Variants in RIMS2 observed in about 807,000 individuals in gnomAD.
The protein encoded by RIMS2 is regulating synaptic membrane exocytosis 2.
Under a neutral mutation model 174.4 loss-of-function variants are expected in RIMS2, and 59 were observed. That is an observed-to-expected ratio of 0.34 (90% CI 0.27 to 0.42). The LOEUF is 0.42. RIMS2 is among the 10% of genes least tolerant of loss of function. The pLI is 1.00. For synonymous variants in RIMS2, 606 were observed against 572.5 expected, an observed-to-expected ratio of 1.06 and a Z score of -0.84; for missense variants, 1,620 against 1,666.3, an observed-to-expected ratio of 0.97 and a Z score of 0.48.
At chr8:103,720,581 A>T (rs1042050102) in intron 2 of RIMS2, among the ~76,000 whole-genome samples, 1 of 152,220 alleles carries the variant, frequency 6.6e-6, no homozygotes, top group Non-Finnish European at 1.5e-5. Context: ...TCACAAGTTT[A>T]TATATTACTA....
At chr8:103,859,799 G>T (rs965201212) in intron 3 of RIMS2, among the ~76,000 whole-genome samples, 4 of 152,042 alleles carry the variant, frequency 2.6e-5, no homozygotes, top group African/African-American at 9.7e-5. Context: ...AGCAGTCCAG[G>T]GTCCAACATC....
chr8:103,887,017 G>C (rs997048128), intron 4 of RIMS2, among the ~76,000 whole-genome samples: 3 of 151,584 alleles, frequency 2.0e-5, no homozygotes, highest in African/African-American at 7.3e-5. Flanking sequence ...CTTTAATTCA[G>C]ATTACCAAAT....
rs535555828 is a variant in RIMS2, at chr8:104,170,446, A to G, written c.3335-74470A>G. 2.0e-5 allele frequency among the ~76,000 whole-genome samples: 3 copies of G among 151,720 alleles called. No individual in the cohort carries two copies. The East Asian group carries it at 5.8e-4, about 29-fold the overall frequency. Reference sequence around the variant, plus strand: ...ATGGTTCTTGTCTTTTTTTACTATAAGTATGATTTGTCTGATGTAAGAATA... The same window carrying G: ...ATGGTTCTTGTCTTTTTTTACTATAGGTATGATTTGTCTGATGTAAGAATA... On this transcript the variant is annotated intron_variant, in intron 19 of 23. Coordinates refer to ENST00000504942, the Ensembl canonical transcript of RIMS2.
chr8:104,119,189 CA>C lies in RIMS2; in HGVS notation c.3334+104588del, dbSNP rs781545557. On this transcript the variant is annotated intron_variant, in intron 19 of 23. Transcript: ENST00000504942. ...GGTAAACCCCGTCTCTACTTAAAAA[CA>C]AAAAAAAAAAAAATCAAAAATTAGC... 4.2e-3 allele frequency among the ~76,000 whole-genome samples: 585 copies of C among 140,054 alleles called. 1 individual carries two copies. Among genetic ancestry groups the C allele is most frequent in the Middle Eastern group, 0.011 (3 of 276 alleles). The allele number at this position is 140,054 out of a possible 152,430, so 91.9% of individuals were successfully genotyped here.
chr8:103,695,968 C>A (rs2097096326), intron 1 of RIMS2, among the ~76,000 whole-genome samples: 1 of 152,094 alleles, frequency 6.6e-6, no homozygotes, highest in South Asian at 2.1e-4. Context: ...TTTGTGCTTC[C>A]AGGGATTCTC....
At chr8:103,827,946 A>G (rs2098802200) in intron 3 of RIMS2, among the ~76,000 whole-genome samples, 1 of 152,106 alleles carries the variant, frequency 6.6e-6, no homozygotes, top group Non-Finnish European at 1.5e-5. Context: ...TTCTTCAGTA[A>G]TTGAAATTAT....
chr8:103,887,852 G>A (rs2099214429), intron 4 of RIMS2, among the ~76,000 whole-genome samples: 1 of 151,582 alleles, frequency 6.6e-6, no homozygotes, highest in Non-Finnish European at 1.5e-5. Context: ...ATTTTACTGA[G>A]TAACATAAGG....
At chr8:104,230,910 A>T (rs1055466332) in intron 19 of RIMS2, among the ~76,000 whole-genome samples, 16 of 152,210 alleles carry the variant, frequency 1.1e-4, no homozygotes, top group African/African-American at 3.1e-4. Flanking sequence ...CCTGAAGGAA[A>T]GCTATAAATC....
At chr8:104,058,940 G>T (rs2096925082) in intron 19 of RIMS2, among the ~76,000 whole-genome samples, 1 of 152,020 alleles carries the variant, frequency 6.6e-6, no homozygotes, top group Admixed American at 6.6e-5. Context: ...CTCTGTTTTG[G>T]TATCAGTACC....
intron 12 of RIMS2, 37 bp downstream of exon 14, chr8:103,931,430 AAATG>A: frequency 1.4e-6 from 2 of 1,433,026 alleles, no homozygotes; most frequent in Non-Finnish European, 1.9e-6. Flanking sequence ...TCTGGAAAAT[AAATG>A]AGAAAATGTT....
chr8:103,977,080 G>A (rs1252243709), intron 16 of RIMS2: 1 of 152,144 alleles, frequency 6.6e-6, no homozygotes, highest in Non-Finnish European at 1.5e-5. Context: ...TTAAATAAAT[G>A]ATTATTTGAC....
intron 19 of RIMS2, among the ~76,000 whole-genome samples, chr8:104,192,921 C>T (rs2099004925): frequency 6.6e-6 from 1 of 152,126 alleles, no homozygotes; most frequent in African/African-American, 2.4e-5. Flanking sequence ...TATCATTACG[C>T]TATAATGAGA....
At chr8:104,101,268 A>AT (rs2097893822) in intron 19 of RIMS2, among the ~76,000 whole-genome samples, 1 of 151,620 alleles carries the variant, frequency 6.6e-6, no homozygotes, top group Non-Finnish European at 1.5e-5. Flanking sequence ...CTGAGATTAC[A>AT]GGCATGTGCC....
At chr8:104,116,708 G>C (rs901805720) in intron 19 of RIMS2, among the ~76,000 whole-genome samples, 1 of 152,020 alleles carries the variant, frequency 6.6e-6, no homozygotes, top group East Asian at 1.9e-4. Flanking sequence ...TTTTAAACCT[G>C]ATAAAATGTG....
intron 1 of RIMS2, among the ~76,000 whole-genome samples, chr8:103,544,808 G>A (rs1489618722): frequency 1.3e-5 from 2 of 152,262 alleles, no homozygotes; most frequent in South Asian, 4.1e-4. Context: ...GAACAGACTA[G>A]AATCAAAGCG....
intron 1 of RIMS2, among the ~76,000 whole-genome samples, chr8:103,683,660 A>G (rs965220534): frequency 1.3e-5 from 2 of 152,182 alleles, no homozygotes; most frequent in Non-Finnish European, 2.9e-5. Context: ...AAGCATCTCA[A>G]AGTTAGGAAG....
chr8:103,787,797 C>T (rs1026484194), intron 3 of RIMS2, among the ~76,000 whole-genome samples: 2 of 152,084 alleles, frequency 1.3e-5, no homozygotes, highest in African/African-American at 2.4e-5. Context: ...CTCTGTATTT[C>T]CTGAATCTGA....
intron 14 of RIMS2, among the ~76,000 whole-genome samples, chr8:103,952,072 G>A (rs946535419): frequency 3.0e-4 from 45 of 152,186 alleles, no homozygotes; most frequent in African/African-American, 1.0e-3. Flanking sequence ...TCCCTGGGAA[G>A]GGCATCTCTG....
chr8:103,635,922 G>A (rs1463028486), intron 1 of RIMS2, among the ~76,000 whole-genome samples: 1 of 152,132 alleles, frequency 6.6e-6, no homozygotes, highest in African/African-American at 2.4e-5. Context: ...GCAGGGGGTA[G>A]TTGGAGGCCT....
Sources: allele counts gnomAD v4.1 joint callset (sites outside exome capture counted in the v4.1 genomes callset), GRCh38; gene constraint gnomAD v4.1.1; transcripts MANE v1.5; gene names NCBI Gene and HGNC (gene_info 2026-07-23, HGNC 2026-07-21).